NGLY1: variants seen among roughly 807,000 people sequenced by gnomAD.
The protein encoded by NGLY1 is N-glycanase 1.
NGLY1 carries 68 observed loss-of-function variants against 84.6 expected under a neutral mutation model. The observed-to-expected ratio is 0.80, with a 90% CI of 0.66 to 0.98. The LOEUF is 0.98. NGLY1 is among the 50% of genes least tolerant of loss of function. The pLI is 0.00. For missense variants in NGLY1, 779 were observed against 770.2 expected (o/e 1.01, Z -0.14); for synonymous variants, 280 against 275.2 (o/e 1.02, Z -0.17).
intron 4 of NGLY1, among the ~76,000 whole-genome samples, chr3:25,749,272 T>C (rs998277709): frequency 2.0e-5 from 3 of 152,230 alleles, no homozygotes; most frequent in African/African-American, 7.2e-5. Flanking sequence ...GAAACCAGGA[T>C]TTCAGACTAA....
intron 4 of NGLY1, among the ~76,000 whole-genome samples, chr3:25,741,674 T>G (rs746567936): frequency 3.6e-4 from 55 of 152,024 alleles, no homozygotes; most frequent in Non-Finnish European, 7.1e-4. Flanking sequence ...GAGGAAAAAT[T>G]TGTAACATGT....
At position 25,783,394 on chromosome 3, in the gene NGLY1, T is replaced by A; in HGVS notation, c.-4A>T. ...TGCCCAATGCCGCCGCCGCCATGCTTGAGCGCCAGCGGGCGCCGCCGCCGC... is the reference window on the plus strand; with the variant it reads ...TGCCCAATGCCGCCGCCGCCATGCTAGAGCGCCAGCGGGCGCCGCCGCCGC... On this transcript the variant is annotated 5_prime_UTR_variant, in exon 1 of 12. Coordinates refer to ENST00000280700, the MANE Select transcript of NGLY1 (RefSeq NM_018297.4). This position sits in a 1 kb window ranked among gnomAD's most constrained non-coding sequence, Gnocchi z 4.5. 6.5e-7 allele frequency: 1 copy of A among 1,530,630 alleles called. No individual in the cohort carries two copies. Among genetic ancestry groups the A allele is most frequent in the Non-Finnish European group, 8.8e-7 (1 of 1,139,808 alleles). 94.8% of individuals were successfully genotyped at this position (1,530,630 alleles called of 1,614,324 possible). A position where few individuals can be genotyped will look rare whatever the true frequency, so the allele number is the denominator to read the frequency against.
chr3:25,747,880 AAGAAATTCAGTCTTGGG>A (rs1706519260), intron 4 of NGLY1, among the ~76,000 whole-genome samples: 1 of 152,208 alleles, frequency 6.6e-6, no homozygotes. Context: ...GCTTGGGAGT[AAGAAATTCAGTCTTGGG>A]AGAGGTCCCC....
At chr3:25,787,893 TCTC>T (rs1559565873), upstream of NGLY1, among the ~76,000 whole-genome samples, 2 of 152,294 alleles carry the variant, frequency 1.3e-5, no homozygotes, top group East Asian at 1.9e-4. Context: ...AGGCCTTTGT[TCTC>T]CTCCTGCCAG....
intron 4 of NGLY1, among the ~76,000 whole-genome samples, chr3:25,742,260 T>C (rs533851832): frequency 6.6e-6 from 1 of 152,266 alleles, no homozygotes; most frequent in South Asian, 2.1e-4. Flanking sequence ...GAGACATGGT[T>C]TACAAGAATC....
At chr3:25,729,356 A>G in intron 9 of NGLY1, 38 bp from the exon 10 acceptor site, 1 of 1,236,950 alleles carries the variant, frequency 8.1e-7, no homozygotes. Context: ...CAACATTATG[A>G]AAGATGTAAA....
intron 2 of NGLY1, among the ~76,000 whole-genome samples, chr3:25,771,678 C>T (rs2125306914): frequency 6.6e-6 from 1 of 152,072 alleles, no homozygotes; most frequent in South Asian, 2.1e-4. Context: ...GATGTGTTTC[C>T]ATTTGTTTGT....
chr3:25,735,728 G>A (rs190713597), intron 7 of NGLY1: 4 of 263,474 alleles, frequency 1.5e-5, no homozygotes, highest in Non-Finnish European at 7.2e-6. Context: ...AAAGACTTGT[G>A]TGCCTGAGTG....
intron 2 of NGLY1, among the ~76,000 whole-genome samples, chr3:25,765,538 A>G (rs1707522180): frequency 6.6e-6 from 1 of 152,048 alleles, no homozygotes; most frequent in Non-Finnish European, 1.5e-5. Context: ...TCCAAAATCG[A>G]CAATATTACT....
intron 3 of NGLY1, among the ~76,000 whole-genome samples, chr3:25,754,588 G>C (rs531561854): frequency 6.6e-6 from 1 of 152,052 alleles, no homozygotes; most frequent in African/African-American, 2.4e-5. Context: ...GCAGGCATCA[G>C]AAGACCCCAT....
rs183967429 is a variant in NGLY1 at position 25,719,766 on chromosome 3, C to G, written c.1790-131G>C. The G allele has an allele frequency of 2.8e-5, 21 of 756,574 alleles. 1 individual carries two copies. In the Admixed American group the frequency reaches 6.2e-4, roughly 22 times the overall value. The allele number at this position is 756,574 out of a possible 1,614,324, so 46.9% of individuals were successfully genotyped here. A position where few individuals can be genotyped will look rare whatever the true frequency, so the allele number is the denominator to read the frequency against. On this transcript the variant is annotated intron_variant, in intron 11 of 11. Coordinates refer to ENST00000280700, the MANE Select transcript of NGLY1 (RefSeq NM_018297.4). ...CCCTTAAAAATAAATACAAATTATTCTTTATGGAAGAAATGCATCCTTTGA... is the reference window on the plus strand; with the variant it reads ...CCCTTAAAAATAAATACAAATTATTGTTTATGGAAGAAATGCATCCTTTGA...
upstream of NGLY1, chr3:25,783,666 T>C (rs959313265): frequency 1.2e-5 from 3 of 257,222 alleles, no homozygotes; most frequent in Non-Finnish European, 2.0e-5. This position sits in a 1 kb window ranked among gnomAD's most constrained non-coding sequence, Gnocchi z 4.5. Context: ...GGCTGGGAGC[T>C]ACGGCTGCCC....
Position 25,783,408 on chromosome 3 carries a change from C to T in NGLY1, c.-18G>A, listed in dbSNP as rs1221589220. ...GCCGCCATGCTTGAGCGCCAGCGGG[C>T]GCCGCCGCCGCCCCTCGCTCTCCGC... On this transcript the variant is annotated 5_prime_UTR_variant, in exon 1 of 12. Coordinates refer to ENST00000280700, the MANE Select transcript of NGLY1 (RefSeq NM_018297.4). The surrounding 1 kb of genome is among the most constrained non-coding windows in gnomAD (Gnocchi z 4.5). The T allele has an allele frequency of 2.6e-6, 4 of 1,520,726 alleles. No homozygotes were observed. Among genetic ancestry groups the T allele is most frequent in the South Asian group, 2.4e-5 (2 of 82,776 alleles). 94.2% of individuals were successfully genotyped at this position (1,520,726 alleles called of 1,614,324 possible).
At chr3:25,733,280 A>ATTTTTTAATTTATG (rs1705634039) in intron 8 of NGLY1, among the ~76,000 whole-genome samples, 1 of 152,240 alleles carries the variant, frequency 6.6e-6, no homozygotes, top group African/African-American at 2.4e-5. Flanking sequence ...CTGCTACAGC[A>ATTTTTTAATTTATG]AAATTCACTG....
At chr3:25,778,981 G>A (rs1398511360) in intron 1 of NGLY1, among the ~76,000 whole-genome samples, 1 of 115,912 alleles carries the variant, frequency 8.6e-6, no homozygotes, top group African/African-American at 3.3e-5. Context: ...TGTTTCCCAA[G>A]CTGGAGTGCA....
chr3:25,740,736 A>G (rs1706096291), intron 4 of NGLY1, among the ~76,000 whole-genome samples: 2 of 152,182 alleles, frequency 1.3e-5, no homozygotes, highest in Non-Finnish European at 2.9e-5. Context: ...ATGTTCCTGG[A>G]GGGAAAACTC....
Position 25,733,862 on chromosome 3 carries a change from C to T in NGLY1, c.1260+10G>A. ...CAACTGTTCTTTCAAAAAAGATAGC[C>T]ACACCATACCTGCTTATTAAGCCCA... On this transcript the variant is annotated intron_variant, in intron 8 of 11. Transcript: ENST00000280700. 6.4e-7 allele frequency: 1 copy of T among 1,571,912 alleles called. No homozygotes were observed.
chr3:25,737,568 A>C, intron 5 of NGLY1, 113 bp from the exon 6 acceptor site: 1 of 984,394 alleles, frequency 1.0e-6, no homozygotes, highest in East Asian at 3.2e-5. Context: ...TTTGAGACGG[A>C]GTCTTGCTCT....
At chr3:25,724,442 T>C (rs879912) in intron 10 of NGLY1, among the ~76,000 whole-genome samples, 111,833 of 152,086 alleles carry the variant, frequency 0.74, 43,377 homozygotes, top group East Asian at 0.94. Flanking sequence ...TGAATCCACT[T>C]GTAGTTCCCA....
Sources: allele counts gnomAD v4.1 joint callset (sites outside exome capture counted in the v4.1 genomes callset), GRCh38; gene constraint gnomAD v4.1.1; non-coding constraint Gnocchi (gnomAD v3.1); transcripts MANE v1.5; gene names NCBI Gene and HGNC (gene_info 2026-07-23, HGNC 2026-07-21).